Variants in ACTR5 observed in about 807,000 individuals in gnomAD.
ACTR5 encodes the protein actin-related protein 5.
ACTR5 carries 43 observed loss-of-function variants against 61.2 expected under a neutral mutation model. The observed-to-expected ratio is 0.70, with a 90% CI of 0.55 to 0.91. The LOEUF is 0.91. Among genes scored for constraint, ACTR5 ranks in the 40% least tolerant of loss-of-function variants. The pLI is 0.00. For missense variants in ACTR5, 798 were observed against 782.2 expected (o/e 1.02, Z -0.24); for synonymous variants, 333 against 310.5 (o/e 1.07, Z -0.76).
rs7274292 is a variant in ACTR5, at chr20:38,766,502, G to C, written c.1433+125G>C. On this transcript the variant is annotated intron_variant, in intron 7 of 8. Coordinates refer to ENST00000243903, the MANE Select transcript of ACTR5 (RefSeq NM_024855.4). ...CTCACTCTCTTCTTTTCATTGACTT[G>C]CTGTGCTCAGATAGTATTCCCTTCA... 1.7e-3 allele frequency: 2,121 copies of C among 1,235,978 alleles called. 34 individuals carry two copies. In the African/African-American group the frequency reaches 0.029, roughly 17 times the overall value. The allele number at this position is 1,235,978 out of a possible 1,614,324, so 76.6% of individuals were successfully genotyped here. A position where few individuals can be genotyped will look rare whatever the true frequency, so the allele number is the denominator to read the frequency against.
rs763786522 is a variant in ACTR5 at position 38,767,459 on chromosome 20, C to T, written c.1434-5C>T. 3.7e-6 allele frequency: 6 copies of T among 1,612,106 alleles called. No individual in the cohort carries two copies. Among genetic ancestry groups the T allele is most frequent in the Non-Finnish European group, 2.5e-6 (3 of 1,179,156 alleles). ...GGACTATATTAGGAGTTGTTTCTTTCCTAGGTACCCAAAGGACATTCAGGA... is the reference window on the plus strand; with the variant it reads ...GGACTATATTAGGAGTTGTTTCTTTTCTAGGTACCCAAAGGACATTCAGGA... On this transcript the variant is annotated splice_polypyrimidine_tract_variant and splice_region_variant and intron_variant, in intron 7 of 8. Transcript: ENST00000243903.
intron 5 of ACTR5, among the ~76,000 whole-genome samples, chr20:38,765,191 A>G (rs2084478597): frequency 6.6e-6 from 1 of 152,242 alleles, no homozygotes; most frequent in African/African-American, 2.4e-5. Context: ...AAAGTAGGAA[A>G]GGTAGGAGAT....
In ACTR5 at chr20:38,750,072, A is replaced by G. The variant is rs1474255694; in HGVS notation, c.438A>G (p.Gln146=). 1.9e-6 allele frequency: 3 copies of G among 1,614,210 alleles called. No individual in the cohort carries two copies. Among genetic ancestry groups the G allele is most frequent in the Non-Finnish European group, 2.5e-6 (3 of 1,180,040 alleles). ...EAVCNPLYSR[Q]MMSELLFECY... ...TGTGCAACCCACTGTATTCACGGCA[A>G]ATGATGTCTGAGCTTCTTTTTGAGT... is the stretch of plus-strand genomic sequence containing the variant. Residue 146 remains glutamine, a synonymous_variant, in exon 2 of 9, where the codon CAA becomes CAG. Coordinates refer to ENST00000243903, the MANE Select transcript of ACTR5 (RefSeq NM_024855.4).
chr20:38,752,196 G>A lies in ACTR5; in HGVS notation c.671G>A (p.Arg224His), dbSNP rs199599103. 7.4e-6 allele frequency: 12 copies of A among 1,613,928 alleles called. No homozygotes were observed. The highest frequency in any genetic ancestry group is 1.6e-4 in the Middle Eastern group (1 of 6,084). ...GGSQAAGYLQRLLQLKYPGHL... is the reference protein window; with the variant it reads ...GGSQAAGYLQHLLQLKYPGHL... The stretch of plus-strand genomic sequence containing the variant: ...AGCCAAGCAGCTGGTTACCTCCAGC[G>A]TCTCCTCCAGCTGAAGTACCCTGGG... The change falls in exon 3 of 9, where the codon CGT (arginine) becomes CAT (histidine). Residue 224 changes from arginine (R) to histidine (H), a missense_variant. By Grantham distance (29) the Arg-to-His change is conservative. Coordinates refer to ENST00000243903, the MANE Select transcript of ACTR5 (RefSeq NM_024855.4).
chr20:38,756,658 A>G (rs1301010857), intron 5 of ACTR5, among the ~76,000 whole-genome samples: 1 of 152,310 alleles, frequency 6.6e-6, no homozygotes, highest in African/African-American at 2.4e-5. Flanking sequence ...TAATCCCAGC[A>G]CTTTGGAAGT....
intron 8 of ACTR5, among the ~76,000 whole-genome samples, chr20:38,768,933 T>A (rs2084504048): frequency 6.6e-6 from 1 of 152,184 alleles, no homozygotes; most frequent in South Asian, 2.1e-4. Flanking sequence ...GACACTGTTG[T>A]GCAAAATAGA....
rs1303600980 is a variant in ACTR5, at chr20:38,755,019, T to A, written c.838T>A (p.Phe280Ile). The change falls in exon 4 of 9, where the codon TTT becomes ATT. Residue 280 changes from phenylalanine (F) to isoleucine (I), a missense_variant. Transcript: ENST00000243903. ...ENNVHKMQLP[F>I]SSKLLGSTLT... ...TAATGTCCACAAGATGCAGCTCCCA[T>A]TTTCCAGCAAGCTCCTGGGCAGCAC... 6.2e-7 allele frequency: 1 copy of A among 1,614,166 alleles called. No homozygotes were observed. The highest frequency in any genetic ancestry group is 8.5e-7 in the Non-Finnish European group (1 of 1,179,990).
chr20:38,764,008 G>A (rs2084470478), intron 5 of ACTR5, among the ~76,000 whole-genome samples: 1 of 152,182 alleles, frequency 6.6e-6, no homozygotes, highest in African/African-American at 2.4e-5. Flanking sequence ...AGAATTTAGA[G>A]TACATTGTCA....
chr20:38,759,778 C>T (rs929982598), intron 5 of ACTR5, among the ~76,000 whole-genome samples: 1 of 152,120 alleles, frequency 6.6e-6, no homozygotes, highest in Non-Finnish European at 1.5e-5. Context: ...CCATGCTTAG[C>T]TGACTGTAAT....
At position 38,771,699 on chromosome 20, in the gene ACTR5, T is replaced by C. The variant is rs2084521139; in HGVS notation, c.1707T>C (p.Cys569=). The change falls in exon 9 of 9, where the codon TGT becomes TGC. Residue 569 remains cysteine (C), a synonymous_variant. Coordinates refer to ENST00000243903, the MANE Select transcript of ACTR5 (RefSeq NM_024855.4). Reference sequence around the variant, plus strand: ...GAGGAGAGTACCTCAAGGAGCACTGTGCTTCCAACATCTATGTCCCCATCC... The same window carrying C: ...GAGGAGAGTACCTCAAGGAGCACTGCGCTTCCAACATCTATGTCCCCATCC... The part of the protein sequence containing the change: ...EKGGEYLKEH[C]ASNIYVPIRL... 2 of 1,614,174 alleles carry C rather than the reference T, an allele frequency of 1.2e-6. No individual in the cohort carries two copies. The highest frequency in any genetic ancestry group is 1.7e-6 in the Non-Finnish European group (2 of 1,180,014).
At position 38,771,864 on chromosome 20, in the gene ACTR5, G is replaced by A. The variant is rs748051146; in HGVS notation, c.*48G>A. 2.1e-5 allele frequency: 33 copies of A among 1,564,170 alleles called. No individual in the cohort carries two copies. The highest frequency in any genetic ancestry group is 3.5e-5 in the South Asian group (3 of 85,948). The stretch of plus-strand genomic sequence containing the variant: ...CCCTGCACGCCATGCCTTGGGCCAC[G>A]TTGGCAGTGTGACAGGACTGTGATT... On this transcript the variant is annotated 3_prime_UTR_variant, in exon 9 of 9. Transcript: ENST00000243903.
chr20:38,771,932 G>A lies in ACTR5; in HGVS notation c.*116G>A. 1 of 1,403,700 alleles carries A rather than the reference G, an allele frequency of 7.1e-7. No homozygotes were observed. Among genetic ancestry groups the A allele is most frequent in the Non-Finnish European group, 9.4e-7 (1 of 1,059,744 alleles). 87.0% of individuals were successfully genotyped at this position (1,403,700 alleles called of 1,614,324 possible). A position where few individuals can be genotyped will look rare whatever the true frequency, so the allele number is the denominator to read the frequency against. On this transcript the variant is annotated 3_prime_UTR_variant, in exon 9 of 9. Transcript: ENST00000243903. ...CCAAGTCTGCTGGTCACATTTGGCA[G>A]CAAAATGGATTTCTCCTGGGGAGAA...
At chr20:38,758,276 A>G (rs2084432103) in intron 5 of ACTR5, among the ~76,000 whole-genome samples, 1 of 152,204 alleles carries the variant, frequency 6.6e-6, no homozygotes, top group African/African-American at 2.4e-5. Flanking sequence ...GCTCTGGTAC[A>G]CACATTTAAA....
At chr20:38,760,491 CAGA>C (rs1309170246) in intron 5 of ACTR5, among the ~76,000 whole-genome samples, 1 of 152,148 alleles carries the variant, frequency 6.6e-6, no homozygotes, top group Admixed American at 6.5e-5. Context: ...GATGTAGGAT[CAGA>C]TGTAGGATCC....
chr20:38,772,068 G>A lies in ACTR5; in HGVS notation c.*252G>A. 1 of 519,094 alleles carries A rather than the reference G, an allele frequency of 1.9e-6. No homozygotes were observed. 32.2% of individuals were successfully genotyped at this position (519,094 alleles called of 1,614,324 possible). A position where few individuals can be genotyped will look rare whatever the true frequency, so the allele number is the denominator to read the frequency against. ...TCTTTGTTCAACTGTGGCCAGCTGT[G>A]GCATCAGCTTCCTGGAGCAGTAAAT... On this transcript the variant is annotated 3_prime_UTR_variant, in exon 9 of 9. Transcript: ENST00000243903.
chr20:38,751,628 A>T (rs2084387658), intron 2 of ACTR5, among the ~76,000 whole-genome samples: 1 of 152,142 alleles, frequency 6.6e-6, no homozygotes, highest in Non-Finnish European at 1.5e-5. Flanking sequence ...GGAAAATAAA[A>T]TTATTCTGGT....
At chr20:38,758,412 C>G (rs796964324) in intron 5 of ACTR5, among the ~76,000 whole-genome samples, 1 of 151,984 alleles carries the variant, frequency 6.6e-6, no homozygotes, top group Non-Finnish European at 1.5e-5. Context: ...TTTGGGAGGC[C>G]GAGGTGGGTG....
chr20:38,752,075 C>T (rs1045027540), intron 2 of ACTR5, 56 bp from the exon 3 acceptor site: 6 of 1,556,366 alleles, frequency 3.9e-6, no homozygotes, highest in Non-Finnish European at 4.4e-6. Context: ...TCCCAAGATG[C>T]TCCATATTTC....
chr20:38,758,514 G>A (rs1394262790), intron 5 of ACTR5, among the ~76,000 whole-genome samples: 1 of 152,098 alleles, frequency 6.6e-6, no homozygotes, highest in African/African-American at 2.4e-5. Context: ...GGGCGTCGGG[G>A]CAGGCGCCTG....
Sources: allele counts gnomAD v4.1 joint callset (sites outside exome capture counted in the v4.1 genomes callset), GRCh38; gene constraint gnomAD v4.1.1; transcripts MANE v1.5; gene names NCBI Gene and HGNC (gene_info 2026-07-23, HGNC 2026-07-21).